LUZP2: variants seen among roughly 807,000 people sequenced by gnomAD.
LUZP2 encodes leucine zipper protein 2.
Under a neutral mutation model 51.6 loss-of-function variants are expected in LUZP2, and 52 were observed. The ratio of observed to expected loss-of-function variants is 1.01; its 90% CI spans 0.81 to 1.27. The LOEUF (loss-of-function observed/expected upper bound fraction) is 1.27. LUZP2 is among the 50% of genes most tolerant of loss of function. LUZP2 has a pLI of 0.00. For missense variants in LUZP2, 436 were observed against 395.4 expected, an observed-to-expected ratio of 1.10 and a Z score of -0.87; for synonymous variants, 154 against 137.3, an observed-to-expected ratio of 1.12 and a Z score of -0.85.
intron 4 of LUZP2, among the ~76,000 whole-genome samples, chr11:24,743,567 T>TA (rs1222265242): frequency 6.6e-6 from 1 of 152,146 alleles, no homozygotes. Context: ...TGAATTCTTT[T>TA]ATCAGTTCTA....
At chr11:24,738,432 T>C (rs1005856423) in intron 4 of LUZP2, 130 bp downstream of exon 4, 1 of 663,530 alleles carries the variant, frequency 1.5e-6, no homozygotes, top group African/African-American at 1.8e-5. Flanking sequence ...GAAGCATCAG[T>C]CAATGTGAAC....
At chr11:24,582,788 G>A (rs954653598) in intron 1 of LUZP2, among the ~76,000 whole-genome samples, 1 of 151,808 alleles carries the variant, frequency 6.6e-6, no homozygotes, top group African/African-American at 2.4e-5. Context: ...ATTGGTAATT[G>A]GGAATTTAAA....
At chr11:24,841,256 C>G (rs1453985925) in intron 5 of LUZP2, among the ~76,000 whole-genome samples, 2 of 152,078 alleles carry the variant, frequency 1.3e-5, no homozygotes, top group Admixed American at 1.3e-4. Context: ...TTTGCTTTCT[C>G]TGCCATGTTA....
At chr11:24,531,039 T>TTCA (rs1850976537) in intron 1 of LUZP2, among the ~76,000 whole-genome samples, 1 of 144,838 alleles carries the variant, frequency 6.9e-6, no homozygotes, top group Non-Finnish European at 1.5e-5. Flanking sequence ...TTTAGCCTCT[T>TTCA]TTATTATTAT....
intron 5 of LUZP2, among the ~76,000 whole-genome samples, chr11:24,870,596 G>A (rs1852038688): frequency 6.6e-6 from 1 of 152,002 alleles, no homozygotes; most frequent in African/African-American, 2.4e-5. Context: ...AGGTTTTAGA[G>A]TAAGGACTTG....
rs371453886 is a variant in LUZP2, at chr11:24,639,207, G to A, written c.63-89962G>A. On this transcript the variant is annotated intron_variant, in intron 1 of 11. Coordinates refer to ENST00000336930, the MANE Select transcript of LUZP2 (RefSeq NM_001009909.4). ...GTAGAATCATTTTGTTTCTCTATTT[G>A]TTTTCTTAATTTTGCATTTTACATT... is the stretch of plus-strand genomic sequence containing the variant. Among the ~76,000 whole-genome samples, 25 of 151,560 alleles carry A rather than the reference G, an allele frequency of 1.6e-4. 1 individual carries two copies. In the East Asian group the frequency reaches 4.3e-3, roughly 26 times the overall value.
chr11:24,913,661 C>T (rs1218164410), intron 6 of LUZP2, among the ~76,000 whole-genome samples: 1 of 128,550 alleles, frequency 7.8e-6, no homozygotes, highest in Non-Finnish European at 1.6e-5. Flanking sequence ...TCATGCTAAT[C>T]TATTTATTTG....
At chr11:24,995,493 T>C (rs989072349) in intron 9 of LUZP2, among the ~76,000 whole-genome samples, 1 of 152,174 alleles carries the variant, frequency 6.6e-6, no homozygotes, top group Admixed American at 6.5e-5. Context: ...TCTGGACTCA[T>C]CTTTCATCAG....
At chr11:24,702,022 G>A (rs1857435138) in intron 1 of LUZP2, among the ~76,000 whole-genome samples, 1 of 152,120 alleles carries the variant, frequency 6.6e-6, no homozygotes, top group African/African-American at 2.4e-5. Flanking sequence ...AGTCAGACTC[G>A]TGCACACTCT....
At chr11:24,700,137 C>T (rs1323790339) in intron 1 of LUZP2, among the ~76,000 whole-genome samples, 1 of 145,310 alleles carries the variant, frequency 6.9e-6, no homozygotes, top group Non-Finnish European at 1.5e-5. Context: ...TCTCTGCTCA[C>T]TGCAACCTCT....
intron 5 of LUZP2, among the ~76,000 whole-genome samples, chr11:24,853,204 C>T (rs756749716): frequency 9.9e-5 from 15 of 152,116 alleles, no homozygotes; most frequent in Non-Finnish European, 2.1e-4. Context: ...TCTGCAGTGA[C>T]TGGTACCAGT....
intron 5 of LUZP2, among the ~76,000 whole-genome samples, chr11:24,801,350 T>G (rs1849693988): frequency 6.6e-6 from 1 of 152,106 alleles, no homozygotes; most frequent in Non-Finnish European, 1.5e-5. Context: ...ACACATTTTA[T>G]TCAGGTTTTC....
intron 7 of LUZP2, among the ~76,000 whole-genome samples, chr11:24,976,007 C>T (rs978858246): frequency 6.6e-5 from 10 of 152,044 alleles, no homozygotes; most frequent in South Asian, 2.1e-4. Flanking sequence ...TAGTTTCTGG[C>T]GAAGGCTCTT....
chr11:24,757,245 T>C (rs944019049), intron 4 of LUZP2, among the ~76,000 whole-genome samples: 13 of 152,228 alleles, frequency 8.5e-5, no homozygotes, highest in Non-Finnish European at 1.3e-4. Context: ...AGAAATGATA[T>C]ACAAATAAAA....
At chr11:24,992,277 G>A (rs1856372257) in intron 9 of LUZP2, among the ~76,000 whole-genome samples, 1 of 152,020 alleles carries the variant, frequency 6.6e-6, no homozygotes. Flanking sequence ...ACTAGAATTG[G>A]TGAACTAGTC....
intron 1 of LUZP2, among the ~76,000 whole-genome samples, chr11:24,550,596 A>T (rs1224654652): frequency 1.3e-5 from 2 of 152,102 alleles, no homozygotes; most frequent in Non-Finnish European, 2.9e-5. Context: ...AGCAACTTGA[A>T]TCTTTCTAAT....
At chr11:24,785,387 G>T (rs754439541) in intron 5 of LUZP2, among the ~76,000 whole-genome samples, 11 of 151,852 alleles carry the variant, frequency 7.2e-5, no homozygotes, top group Non-Finnish European at 1.0e-4. Context: ...GTGTTAAAAA[G>T]GTATGCCATC....
chr11:24,574,331 TCCC>T (rs1176913756), intron 1 of LUZP2, among the ~76,000 whole-genome samples: 31 of 98,198 alleles, frequency 3.2e-4, no homozygotes, highest in East Asian at 1.0e-3. Flanking sequence ...CCTCCCTCCC[TCCC>T]TTGCTTCCTT....
chr11:24,671,671 G>T (rs911910643), intron 1 of LUZP2, among the ~76,000 whole-genome samples: 2 of 151,906 alleles, frequency 1.3e-5, no homozygotes, highest in African/African-American at 4.8e-5. Context: ...TTCAAAGTGG[G>T]ATAACTTTAA....
Sources: allele counts gnomAD v4.1 joint callset (sites outside exome capture counted in the v4.1 genomes callset), GRCh38; gene constraint gnomAD v4.1.1; transcripts MANE v1.5; gene names NCBI Gene and HGNC (gene_info 2026-07-23, HGNC 2026-07-21).